Variants in SEC24B observed in about 807,000 individuals in gnomAD.
SEC24B encodes protein transport protein Sec24B.
Under a neutral mutation model 142.8 loss-of-function variants are expected in SEC24B, and 45 were observed. That is an observed-to-expected ratio of 0.32 (90% CI 0.25 to 0.40). The LOEUF is 0.40. Among genes scored for constraint, SEC24B ranks in the 10% least tolerant of loss-of-function variants. The pLI, the probability that SEC24B is intolerant of heterozygous loss-of-function variation, is 1.00. For missense variants in SEC24B, 1,409 were observed against 1,526.8 expected (o/e 0.92, Z 1.29); for synonymous variants, 574 against 568.2 (o/e 1.01, Z -0.15).
At chr4:109,481,864 A>T in intron 4 of SEC24B, 83 bp downstream of exon 4, 1 of 946,174 alleles carries the variant, frequency 1.1e-6, no homozygotes, top group Non-Finnish European at 1.6e-6. Context: ...TAGCCTTTTA[A>T]AAAAGAGTCT....
At chr4:109,534,335 C>T (rs576300175) in intron 22 of SEC24B, among the ~76,000 whole-genome samples, 1 of 151,968 alleles carries the variant, frequency 6.6e-6, no homozygotes, top group Admixed American at 6.6e-5. Flanking sequence ...GCCTGTAATC[C>T]AAGCACTTAA....
Position 109,494,747 on chromosome 4 carries a change from G to A in SEC24B, c.1379G>A (p.Gly460Asp), listed in dbSNP as rs1333345651. 1 of 1,614,056 alleles carries A rather than the reference G, an allele frequency of 6.2e-7. No individual in the cohort carries two copies. The highest frequency in any genetic ancestry group is 8.5e-7 in the Non-Finnish European group (1 of 1,180,050). Residue 460 changes from glycine (G) to aspartate (D), a missense_variant, in exon 6 of 24, where the codon GGC becomes GAC. Around this residue, in one of 2 missense-constraint regions of SEC24B, gnomAD observed 709 missense variants for 673.5 expected, o/e 1.05. Coordinates refer to ENST00000265175, the MANE Select transcript of SEC24B (RefSeq NM_006323.5). ...CCTTCAAAAATGGCTAAGCCTTTTG[G>A]CTATGGCTATCCAACACTTCAGCCT... ...PQPSKMAKPF[G>D]YGYPTLQPGY...
chr4:109,506,548 G>T, intron 7 of SEC24B, 36 bp downstream of exon 7: 1 of 1,313,772 alleles, frequency 7.6e-7, no homozygotes, highest in South Asian at 1.9e-5. Flanking sequence ...TTTCTTAAGT[G>T]ATGAAAACAT....
intron 9 of SEC24B, 121 bp downstream of exon 9, chr4:109,512,204 T>A: frequency 1.1e-6 from 1 of 880,698 alleles, no homozygotes; most frequent in Non-Finnish European, 1.7e-6. Flanking sequence ...CCATTTTTAG[T>A]AGAGGGAATA....
At position 109,513,924 on chromosome 4, in the gene SEC24B, G is replaced by GTTCAC; in HGVS notation, c.2013+69_2013+70insTCACT. ...TTGGTCATTTGTAATTTTCTGTTAA[G>GTTCAC]TGAACTCTTATCGAGATTTTGAAGT... On this transcript the variant is annotated intron_variant, in intron 10 of 23. Transcript: ENST00000265175. 3.0e-6 allele frequency: 3 copies of GTTCAC among 1,012,706 alleles called. No individual in the cohort carries two copies. In the South Asian group the frequency reaches 4.0e-5, roughly 14 times the overall value. The allele number at this position is 1,012,706 out of a possible 1,614,324, so 62.7% of individuals were successfully genotyped here.
At chr4:109,499,484 A>T (rs942204385) in intron 6 of SEC24B, among the ~76,000 whole-genome samples, 5 of 152,176 alleles carry the variant, frequency 3.3e-5, no homozygotes, top group Admixed American at 3.3e-4. Flanking sequence ...AAGAAAAAAA[A>T]AATCCTTGTG....
In SEC24B at chr4:109,433,972, G is replaced by A. The variant is rs1728114825; in HGVS notation, c.103G>A (p.Gly35Ser). 1.6e-6 allele frequency: 2 copies of A among 1,219,474 alleles called. No homozygotes were observed. The highest frequency in any genetic ancestry group is 2.0e-6 in the Non-Finnish European group (2 of 981,430). The allele number at this position is 1,219,474 out of a possible 1,614,324, so 75.5% of individuals were successfully genotyped here. The change falls in exon 1 of 24, where the codon GGT becomes AGT. Residue 35 changes from glycine to serine, a missense_variant. Coordinates refer to ENST00000265175, the MANE Select transcript of SEC24B (RefSeq NM_006323.5). ...AGGAGCCGCAGCGCCCGCGGGCCCGGGTGCGGGCCCGGCGCCGCACCAGCA... is the reference window on the plus strand; with the variant it reads ...AGGAGCCGCAGCGCCCGCGGGCCCGAGTGCGGGCCCGGCGCCGCACCAGCA... ...VSGAAAPAGP[G>S]AGPAPHQQNG...
chr4:109,462,842 G>C lies in SEC24B; in HGVS notation c.134-59G>C, dbSNP rs918065989. ...TTAATTGCTTCAATATTTAAATGGGGGCTATTTTTAAAAATTAGTTATCTC... is the reference window on the plus strand; with the variant it reads ...TTAATTGCTTCAATATTTAAATGGGCGCTATTTTTAAAAATTAGTTATCTC... On this transcript the variant is annotated intron_variant, in intron 1 of 23. Transcript: ENST00000265175. The C allele has an allele frequency of 7.0e-6, 9 of 1,276,668 alleles. 1 individual carries two copies. In the Admixed American group the frequency reaches 1.3e-4, roughly 18 times the overall value. The allele number at this position is 1,276,668 out of a possible 1,614,324, so 79.1% of individuals were successfully genotyped here.
chr4:109,491,544 T>C, intron 5 of SEC24B, 137 bp downstream of exon 5: 4 of 590,846 alleles, frequency 6.8e-6, no homozygotes, highest in Non-Finnish European at 1.2e-5. Context: ...CTGGCACTTC[T>C]CAGCCTCAAC....
rs770971771 is a variant in SEC24B at position 109,462,958 on chromosome 4, A to G, written c.191A>G (p.Tyr64Cys). The G allele has an allele frequency of 1.1e-5, 17 of 1,613,604 alleles. No individual in the cohort carries two copies. The highest frequency in any genetic ancestry group is 1.4e-5 in the Non-Finnish European group (16 of 1,180,030). ...PSGYGLHHQN[Y>C]IAPSGHYSQG... is the part of the protein sequence containing the mutation. ...GGATATGGATTGCATCATCAAAACT[A>G]TATTGCTCCCTCAGGACATTACTCT... is the stretch of plus-strand genomic sequence containing the variant. The change falls in exon 2 of 24, where the codon TAT (tyrosine) becomes TGT (cysteine). Residue 64 changes from tyrosine (Y) to cysteine (C), a missense_variant. This residue lies in a region of SEC24B where 709 missense variants were observed against 673.5 expected (regional missense o/e 1.05). Coordinates refer to ENST00000265175, the MANE Select transcript of SEC24B (RefSeq NM_006323.5).
chr4:109,509,678 GA>G (rs1020221678), intron 7 of SEC24B, among the ~76,000 whole-genome samples: 10,482 of 46,462 alleles, frequency 0.23, 1,555 homozygotes, highest in African/African-American at 0.47. Context: ...CTCCATCTCA[GA>G]AAAAAAAAAA....
At position 109,532,660 on chromosome 4, in the gene SEC24B, A is replaced by T; in HGVS notation, c.3412A>T (p.Arg1138Trp). Reference sequence around the variant, plus strand: ...TCAGGGTGCAGTACATGTTAATGACAGGATTGTACCACAGCCACCTCTTCA... The same window carrying T: ...TCAGGGTGCAGTACATGTTAATGACTGGATTGTACCACAGCCACCTCTTCA... ...TDEGAVHVND[R>W]IVPQPPLQKL... The change falls in exon 21 of 24, where the codon AGG (arginine) becomes TGG (tryptophan). Residue 1138 changes from arginine to tryptophan, a missense_variant. Physicochemically the swap from Arg to Trp is moderately radical, Grantham distance 101. Coordinates refer to ENST00000265175, the MANE Select transcript of SEC24B (RefSeq NM_006323.5). 6.2e-7 allele frequency: 1 copy of T among 1,613,376 alleles called. No individual in the cohort carries two copies.
At chr4:109,443,597 C>T (rs147475858) in intron 1 of SEC24B, among the ~76,000 whole-genome samples, 30 of 152,112 alleles carry the variant, frequency 2.0e-4, no homozygotes, top group African/African-American at 7.2e-4. Context: ...CTTTACATAA[C>T]ATTTTGTGCT....
intron 6 of SEC24B, among the ~76,000 whole-genome samples, chr4:109,497,681 T>C (rs1260616063): frequency 2.0e-5 from 3 of 152,184 alleles, no homozygotes; most frequent in Admixed American, 1.3e-4. Context: ...TACTCAATCA[T>C]GTGAATAGAC....
chr4:109,532,381 A>G (rs1725024502), intron 20 of SEC24B, among the ~76,000 whole-genome samples: 2 of 152,004 alleles, frequency 1.3e-5, no homozygotes, highest in South Asian at 2.1e-4. Context: ...CACTTGTAAT[A>G]TATTCTGACC....
rs1019234930 is a variant in SEC24B at position 109,440,311 on chromosome 4, A to G, written c.133+6309A>G. ...AATTTTGTAAACCATATTCATTGCCACCACTAGTATTTCATGTTACTTTAT... is the reference window on the plus strand; with the variant it reads ...AATTTTGTAAACCATATTCATTGCCGCCACTAGTATTTCATGTTACTTTAT... On this transcript the variant is annotated intron_variant, in intron 1 of 23. Coordinates refer to ENST00000265175, the MANE Select transcript of SEC24B (RefSeq NM_006323.5). Among the ~76,000 whole-genome samples, 19 of 152,270 alleles carry G rather than the reference A, an allele frequency of 1.2e-4. 1 individual carries two copies. The highest frequency in any genetic ancestry group is 2.6e-4 in the Non-Finnish European group (18 of 68,008).
intron 1 of SEC24B, among the ~76,000 whole-genome samples, chr4:109,435,157 A>T (rs950299323): frequency 6.6e-6 from 1 of 152,258 alleles, no homozygotes; most frequent in Non-Finnish European, 1.5e-5. Flanking sequence ...TTTACAACTG[A>T]TGCTTTTCAA....
At chr4:109,465,680 G>A (rs1305726666) in intron 2 of SEC24B, among the ~76,000 whole-genome samples, 1 of 152,142 alleles carries the variant, frequency 6.6e-6, no homozygotes, top group Non-Finnish European at 1.5e-5. Context: ...TAGCACCCTG[G>A]ATGGAACTAA....
At chr4:109,522,625 A>G (rs924584346) in intron 14 of SEC24B, among the ~76,000 whole-genome samples, 10 of 152,250 alleles carry the variant, frequency 6.6e-5, no homozygotes, top group African/African-American at 2.4e-4. Flanking sequence ...CTTTTTAATT[A>G]TGAAGATAAC....
Sources: allele counts gnomAD v4.1 joint callset (sites outside exome capture counted in the v4.1 genomes callset), GRCh38; gene constraint gnomAD v4.1.1; regional missense constraint gnomAD v4.1.1; transcripts MANE v1.5; gene names NCBI Gene and HGNC (gene_info 2026-07-23, HGNC 2026-07-21).